CXADR: variants seen among roughly 807,000 people sequenced by gnomAD.
CXADR encodes the protein coxsackievirus and adenovirus receptor.
CXADR carries 20 observed loss-of-function variants against 40.3 expected under a neutral mutation model. That is an observed-to-expected ratio of 0.50 (90% confidence interval 0.35 to 0.72). CXADR has a LOEUF of 0.72. Among genes scored for constraint, CXADR ranks in the 30% least tolerant of loss-of-function variants. CXADR has a pLI of 0.01. For missense variants in CXADR, 332 were observed against 449.1 expected, an observed-to-expected ratio of 0.74 and a Z score of 2.36; for synonymous variants, 150 against 161.3, an observed-to-expected ratio of 0.93 and a Z score of 0.53.
chr21:17,605,181 GA>G, the CXADR span: 3 of 633,140 alleles, frequency 4.7e-6, no homozygotes, highest in South Asian at 2.7e-5. Flanking sequence ...GAGGCAGCCT[GA>G]AAAAAAGATG....
At chr21:17,523,652 T>A (rs74410208) in intron 1 of CXADR, among the ~76,000 whole-genome samples, 2,675 of 152,194 alleles carry the variant, frequency 0.018, 80 homozygotes, top group African/African-American at 0.061. Flanking sequence ...AAGTAGTTGA[T>A]GTGAAGATAA....
At chr21:17,620,902 C>A in the CXADR span, among the ~76,000 whole-genome samples, 1 of 152,178 alleles carries the variant, frequency 6.6e-6, no homozygotes, top group Non-Finnish European at 1.5e-5. Flanking sequence ...ATCTACAGGG[C>A]AAGCTGGCAG....
chr21:17,629,090 A>G, the CXADR span, among the ~76,000 whole-genome samples: 1 of 152,130 alleles, frequency 6.6e-6, no homozygotes, highest in Non-Finnish European at 1.5e-5. Context: ...AGGAGCTTAC[A>G]ACTTACTGGG....
the CXADR span, among the ~76,000 whole-genome samples, chr21:17,604,676 A>C: frequency 6.6e-6 from 1 of 152,190 alleles, no homozygotes; most frequent in East Asian, 1.9e-4. Flanking sequence ...TTCGGCTATA[A>C]AGCAGAAATC....
intron 7 of CXADR, among the ~76,000 whole-genome samples, chr21:17,582,467 GTT>G (rs1193638709): frequency 1.8e-3 from 1 of 554 alleles, no homozygotes; most frequent in Admixed American, 0.025. Context: ...AACCATTCTG[GTT>G]CAACACTGAC....
At position 17,566,454 on chromosome 21, in the gene CXADR, AT is replaced by A. The variant is rs931209176; in HGVS notation, c.*766del. The A allele has an allele frequency of 1.0e-6, 1 of 985,292 alleles. No individual in the cohort carries two copies. The highest frequency in any genetic ancestry group is 1.2e-6 in the Non-Finnish European group (1 of 829,946). 61.0% of individuals were successfully genotyped at this position (985,292 alleles called of 1,614,324 possible). On this transcript the variant is annotated 3_prime_UTR_variant, in exon 7 of 7. Transcript: ENST00000284878. ...ACACTAGGTGCAATAGCAGGGATAG[AT>A]TTTGTTGGTGAGTAGTCTCATGCCT...
chr21:17,557,281 G>C (rs73894846), intron 3 of CXADR, among the ~76,000 whole-genome samples: 8,138 of 152,124 alleles, frequency 0.053, 699 homozygotes, highest in African/African-American at 0.18. Context: ...AGTGTTGCCC[G>C]CAGACCCACA....
Position 17,567,426 on chromosome 21 carries a change from A to G in CXADR, c.*1734A>G. 2.0e-6 allele frequency: 2 copies of G among 985,196 alleles called. No individual in the cohort carries two copies. The highest frequency in any genetic ancestry group is 1.2e-6 in the Non-Finnish European group (1 of 829,708). 61.0% of individuals were successfully genotyped at this position (985,196 alleles called of 1,614,324 possible). ...TTCATCTGTGCCTTTTGGTAATTTA[A>G]TTTCTATTATGAATTTCTGGTGCCT... On this transcript the variant is annotated 3_prime_UTR_variant, in exon 7 of 7. Transcript: ENST00000284878.
Position 17,551,913 on chromosome 21 carries a change from T to C in CXADR, c.375T>C (p.Ala125=). The change falls in exon 3 of 7, where the codon GCT becomes GCC. Residue 125 remains alanine, a synonymous_variant. Transcript: ENST00000284878. ...IGTYQCKVKK[A]PGVANKKIHL... ...CATATCAGTGCAAAGTGAAAAAAGC[T>C]CCTGGTGTTGCAAATAAGAAGATTC... The C allele has an allele frequency of 1.2e-6, 2 of 1,613,924 alleles. No individual in the cohort carries two copies. The highest frequency in any genetic ancestry group is 2.2e-5 in the East Asian group (1 of 44,860).
the CXADR span, among the ~76,000 whole-genome samples, chr21:17,616,722 G>A: frequency 6.6e-6 from 1 of 152,172 alleles, no homozygotes; most frequent in Admixed American, 6.5e-5. Flanking sequence ...TCAAGGAAAA[G>A]TGTGTGCAGC....
At chr21:17,535,135 G>A (rs976263477) in intron 1 of CXADR, among the ~76,000 whole-genome samples, 10 of 151,770 alleles carry the variant, frequency 6.6e-5, no homozygotes, top group Non-Finnish European at 8.8e-5. Context: ...CTATTATTGA[G>A]TGTGTGTTTT....
intron 1 of CXADR, among the ~76,000 whole-genome samples, chr21:17,531,867 G>C (rs574133196): frequency 1.1e-4 from 16 of 151,986 alleles, no homozygotes; most frequent in Admixed American, 2.0e-4. Context: ...GAAGTGTTGA[G>C]ATTACAGGCT....
intron 7 of CXADR, chr21:17,593,129 T>G (rs1311749935): frequency 7.1e-7 from 1 of 1,398,694 alleles, no homozygotes; most frequent in Middle Eastern, 1.9e-4. Flanking sequence ...CTTATAGAGA[T>G]ATCTCTTTTT....
At chr21:17,549,309 C>G (rs915946077) in intron 2 of CXADR, among the ~76,000 whole-genome samples, 2 of 152,204 alleles carry the variant, frequency 1.3e-5, no homozygotes, top group Non-Finnish European at 2.9e-5. Context: ...TTGCACTGTC[C>G]TCTGCTGCCT....
At chr21:17,609,178 A>G in the CXADR span, 1 of 1,591,524 alleles carries the variant, frequency 6.3e-7, no homozygotes, top group Non-Finnish European at 8.5e-7. Context: ...ATGTTTTCTC[A>G]GAAAAACAAA....
intron 1 of CXADR, among the ~76,000 whole-genome samples, chr21:17,534,920 G>A (rs1182356906): frequency 6.6e-6 from 1 of 151,518 alleles, no homozygotes; most frequent in Admixed American, 6.6e-5. Flanking sequence ...GGGTAGCTGG[G>A]ATTACAGGCA....
At chr21:17,628,954 T>C in the CXADR span, among the ~76,000 whole-genome samples, 5 of 152,166 alleles carry the variant, frequency 3.3e-5, no homozygotes, top group African/African-American at 1.2e-4. Flanking sequence ...TCTACTGATT[T>C]AAATGTTGAT....
chr21:17,595,415 CT>C (rs2061492018), downstream of CXADR, among the ~76,000 whole-genome samples: 1 of 151,830 alleles, frequency 6.6e-6, no homozygotes, highest in African/African-American at 2.4e-5. Context: ...CCTTTATCTT[CT>C]TTATCTTAAC....
rs574156370 is a variant in CXADR at position 17,561,767 on chromosome 21, G to A, written c.833+291G>A. Among the ~76,000 whole-genome samples the A allele has an allele frequency of 1.5e-4, 23 of 152,232 alleles. 1 individual carries two copies. The South Asian group carries it at 2.9e-3, about 19-fold the overall frequency. Reference sequence around the variant, plus strand: ...TTGAGAAGAATCCCTGCCTGCAGTGGTAGGGATGAAGTAGATATTGAGGTT... The same window carrying A: ...TTGAGAAGAATCCCTGCCTGCAGTGATAGGGATGAAGTAGATATTGAGGTT... On this transcript the variant is annotated intron_variant, in intron 6 of 6. Transcript: ENST00000284878.
Sources: gnomAD v4.1 joint callset for allele counts (sites outside exome capture counted in the v4.1 genomes callset) on GRCh38, gnomAD v4.1.1 for gene constraint, MANE v1.5 for transcripts, NCBI Gene and HGNC (gene_info 2026-07-23, HGNC 2026-07-21) for gene names.